Variants in MOGAT1 observed in about 807,000 individuals in gnomAD.
The protein encoded by MOGAT1 is 2-acylglycerol O-acyltransferase 1.
In MOGAT1, 32 loss-of-function variants were observed where a neutral mutation model predicts 31.4. The observed-to-expected ratio is 1.02, with a 90% CI of 0.77 to 1.37. The LOEUF is 1.37. Among genes scored for constraint, MOGAT1 ranks in the 40% most tolerant of loss-of-function variants. The pLI is 0.00. For missense variants in MOGAT1, 426 were observed against 402.0 expected (o/e 1.06, Z -0.51); for synonymous variants, 145 against 144.5 (o/e 1.00, Z -0.03).
chr2:222,708,391 A>T (rs1693038830), intron 5 of MOGAT1, among the ~76,000 whole-genome samples: 1 of 152,114 alleles, frequency 6.6e-6, no homozygotes. Context: ...GCCATCCTGT[A>T]CATTTTCAAC....
At chr2:222,688,236 T>C (rs1339174774) in intron 1 of MOGAT1, 108 bp from the exon 2 acceptor site, 2 of 780,042 alleles carry the variant, frequency 2.6e-6, no homozygotes, top group East Asian at 5.7e-5. Context: ...TTACCTGAAC[T>C]GAGGCTCAGT....
chr2:222,683,110 G>A (rs1243795358), intron 1 of MOGAT1, among the ~76,000 whole-genome samples: 1 of 151,888 alleles, frequency 6.6e-6, no homozygotes, highest in Admixed American at 6.6e-5. Context: ...AGGCTAAGGT[G>A]GTAGGATCAC....
At chr2:222,672,977 C>T (rs10202183) in intron 1 of MOGAT1, among the ~76,000 whole-genome samples, 2 of 150,514 alleles carry the variant, frequency 1.3e-5, no homozygotes, top group Non-Finnish European at 3.0e-5. Context: ...GCAGTGGCGC[C>T]ATCTCGGCTC....
At chr2:222,691,289 C>T (rs1692757705) in intron 3 of MOGAT1, among the ~76,000 whole-genome samples, 1 of 151,952 alleles carries the variant, frequency 6.6e-6, no homozygotes, top group Admixed American at 6.6e-5. Context: ...CTCATTGCGA[C>T]CTCTGCCTCC....
intron 3 of MOGAT1, among the ~76,000 whole-genome samples, chr2:222,693,230 G>T (rs999527528): frequency 1.3e-5 from 2 of 152,158 alleles, no homozygotes; most frequent in African/African-American, 4.8e-5. Context: ...AGACTGGTTT[G>T]TATGTTTGTC....
intron 1 of MOGAT1, among the ~76,000 whole-genome samples, chr2:222,681,461 G>A (rs949577136): frequency 6.6e-6 from 1 of 152,202 alleles, no homozygotes; most frequent in Non-Finnish European, 1.5e-5. Flanking sequence ...GGTCTGAAAT[G>A]TTCCAAAGCA....
intron 1 of MOGAT1, among the ~76,000 whole-genome samples, chr2:222,672,982 C>T (rs1291419965): frequency 6.6e-6 from 1 of 151,344 alleles, no homozygotes; most frequent in East Asian, 1.9e-4. Context: ...GGCGCCATCT[C>T]GGCTCACCAC....
rs779059011 is a variant in MOGAT1 at position 222,688,505 on chromosome 2, G to A, written c.256G>A (p.Asp86Asn). The A allele has an allele frequency of 2.5e-6, 4 of 1,611,076 alleles. No homozygotes were observed. In the Admixed American group the frequency reaches 6.7e-5, roughly 27 times the overall value. ...TTGGACTCTTTGGAAACACTTTAAG[G>A]ACTATTTTCCAATTCATGTGAGTAC... ...KNWTLWKHFK[D>N]YFPIHLIKTQ... The change falls in exon 2 of 6, where the codon GAC (aspartate) becomes AAC (asparagine). Residue 86 changes from aspartate to asparagine, a missense_variant. Asp to Asn is a conservative substitution (Grantham distance 23, BLOSUM62 1). Coordinates refer to ENST00000446656, the MANE Select transcript of MOGAT1 (RefSeq NM_058165.3).
chr2:222,676,989 C>T (rs1692507505), intron 1 of MOGAT1, among the ~76,000 whole-genome samples: 1 of 152,074 alleles, frequency 6.6e-6, no homozygotes, highest in Admixed American at 6.6e-5. Flanking sequence ...TACTAATTGT[C>T]AACTAAAGTT....
chr2:222,695,047 C>T, intron 4 of MOGAT1, 42 bp from the exon 5 acceptor site: 1 of 1,451,222 alleles, frequency 6.9e-7, no homozygotes, highest in Non-Finnish European at 9.3e-7. Flanking sequence ...TATTTGAATC[C>T]TTTTCATTGA....
intron 1 of MOGAT1, among the ~76,000 whole-genome samples, chr2:222,678,502 C>G (rs765403473): frequency 2.0e-5 from 3 of 152,138 alleles, no homozygotes; most frequent in Non-Finnish European, 2.9e-5. Context: ...CAGCGATGAG[C>G]TTTGTATAGA....
chr2:222,692,502 G>C (rs1290680353), intron 3 of MOGAT1, among the ~76,000 whole-genome samples: 1 of 152,176 alleles, frequency 6.6e-6, no homozygotes, highest in Admixed American at 6.5e-5. Context: ...CATTCACCTT[G>C]ATAAATAATG....
At chr2:222,697,322 T>C (rs557510419) in intron 5 of MOGAT1, among the ~76,000 whole-genome samples, 2 of 152,314 alleles carry the variant, frequency 1.3e-5, no homozygotes, top group African/African-American at 4.8e-5. Context: ...TGCAATCACA[T>C]GACATTATTT....
intron 5 of MOGAT1, among the ~76,000 whole-genome samples, chr2:222,704,240 T>C (rs1692970702): frequency 6.6e-6 from 1 of 152,186 alleles, no homozygotes; most frequent in Non-Finnish European, 1.5e-5. Flanking sequence ...CTTAGTCTTA[T>C]GTTGAAAATG....
chr2:222,689,167 C>T, intron 2 of MOGAT1, 98 bp from the exon 3 acceptor site: 1 of 1,075,120 alleles, frequency 9.3e-7, no homozygotes, highest in South Asian at 1.7e-5. Flanking sequence ...TCATGTTCTC[C>T]ATTTTCTCTT....
chr2:222,675,635 A>G (rs547923927), intron 1 of MOGAT1, among the ~76,000 whole-genome samples: 2 of 151,278 alleles, frequency 1.3e-5, no homozygotes, highest in South Asian at 2.1e-4. Flanking sequence ...GCCCACCACC[A>G]CGCCCGGCTG....
rs1323994202 is a variant in MOGAT1, at chr2:222,694,518, A to C, written c.635A>C (p.Lys212Thr). ...ATCCGCCAGCGGAAAGGATTTGTTAAAATTGCTTTGACCCATGGGTAAGTG... is the reference window on the plus strand; with the variant it reads ...ATCCGCCAGCGGAAAGGATTTGTTACAATTGCTTTGACCCATGGGTAAGTG... ...LFIRQRKGFV[K>T]IALTHGASLV... The change falls in exon 4 of 6, where the codon AAA (lysine) becomes ACA (threonine). Residue 212 changes from lysine to threonine, a missense_variant. By Grantham distance (78) the Lys-to-Thr change is moderately conservative. Transcript: ENST00000446656. The C allele has an allele frequency of 8.1e-6, 13 of 1,613,754 alleles. No individual in the cohort carries two copies. Among genetic ancestry groups the C allele is most frequent in the Non-Finnish European group, 1.0e-5 (12 of 1,179,752 alleles).
At chr2:222,683,381 T>TTC (rs1692612221) in intron 1 of MOGAT1, among the ~76,000 whole-genome samples, 1 of 151,550 alleles carries the variant, frequency 6.6e-6, no homozygotes, top group African/African-American at 2.4e-5. Flanking sequence ...CACCAGAGTG[T>TTC]TCTCTTTAAA....
chr2:222,689,387 G>A lies in MOGAT1; in HGVS notation c.396G>A (p.Leu132=), dbSNP rs776311855. The A allele has an allele frequency of 2.5e-6, 4 of 1,613,922 alleles. No individual in the cohort carries two copies. In the African/African-American group the frequency reaches 5.3e-5, roughly 22 times the overall value. ...TAAATTATTCTGACTTCAAGGACCT[G>A]TTTCCTGGCTTTACTTCATATCTTC... ...FSVNYSDFKD[L]FPGFTSYLHV... Residue 132 remains leucine (L), a synonymous_variant, in exon 3 of 6, where the codon CTG becomes CTA. Coordinates refer to ENST00000446656, the MANE Select transcript of MOGAT1 (RefSeq NM_058165.3).
Sources: allele counts gnomAD v4.1 joint callset (sites outside exome capture counted in the v4.1 genomes callset), GRCh38; gene constraint gnomAD v4.1.1; transcripts MANE v1.5; gene names NCBI Gene and HGNC (gene_info 2026-07-23, HGNC 2026-07-21).